The following CACUL1 variants were observed in gnomAD, a reference collection of about 807,000 sequenced individuals.
CACUL1 encodes CDK2-associated and cullin domain-containing protein 1.
CACUL1 carries 13 observed loss-of-function variants against 45.2 expected under a neutral mutation model. That is an observed-to-expected ratio of 0.29 (90% confidence interval 0.19 to 0.46). The LOEUF (loss-of-function observed/expected upper bound fraction) is 0.46. CACUL1 is among the 20% of genes least tolerant of loss of function. The pLI is 1.00. For synonymous variants in CACUL1, 197 were observed against 174.2 expected (o/e 1.13, Z -1.03); for missense variants, 421 against 471.4 (o/e 0.89, Z 0.99).
chr10:118,740,854 A>T (rs1408336331), intron 1 of CACUL1, among the ~76,000 whole-genome samples: 1 of 151,432 alleles, frequency 6.6e-6, no homozygotes, highest in East Asian at 1.9e-4. Flanking sequence ...TGAACCCGGG[A>T]GACGGAGCTT....
At chr10:118,726,428 C>T (rs760649103) in intron 3 of CACUL1, 28 of 726,186 alleles carry the variant, frequency 3.9e-5, no homozygotes, top group Non-Finnish European at 5.2e-5. Flanking sequence ...AAGACAAACA[C>T]GATAGAGTCC....
At chr10:118,733,418 A>G (rs1017082231) in intron 1 of CACUL1, among the ~76,000 whole-genome samples, 1 of 152,334 alleles carries the variant, frequency 6.6e-6, no homozygotes. Context: ...TAGAAAGCCA[A>G]TTCAGTAACC....
At chr10:118,735,571 TCAG>T (rs2119654230) in intron 1 of CACUL1, among the ~76,000 whole-genome samples, 1 of 152,324 alleles carries the variant, frequency 6.6e-6, no homozygotes, top group East Asian at 1.9e-4. Flanking sequence ...CTCTAATGCT[TCAG>T]CAGCCCTGGA....
intron 3 of CACUL1, among the ~76,000 whole-genome samples, chr10:118,726,980 T>C (rs943387694): frequency 6.6e-5 from 10 of 152,318 alleles, no homozygotes; most frequent in African/African-American, 2.2e-4. Flanking sequence ...AAAGGAATCA[T>C]TTTGAAGCTA....
chr10:118,718,928 T>C (rs946106399), intron 3 of CACUL1, among the ~76,000 whole-genome samples: 5 of 152,208 alleles, frequency 3.3e-5, no homozygotes, highest in Non-Finnish European at 7.3e-5. Flanking sequence ...CTGTTCTTTT[T>C]ATATACAATG....
intron 1 of CACUL1, among the ~76,000 whole-genome samples, chr10:118,734,347 A>C (rs1589616539): frequency 6.6e-6 from 1 of 152,348 alleles, no homozygotes; most frequent in Non-Finnish European, 1.5e-5. Flanking sequence ...ACAGACTTCC[A>C]ATGAGGTAAA....
intron 1 of CACUL1, among the ~76,000 whole-genome samples, chr10:118,749,069 C>T (rs1295309526): frequency 6.6e-6 from 1 of 152,034 alleles, no homozygotes; most frequent in Non-Finnish European, 1.5e-5. Flanking sequence ...ACTCTTACTC[C>T]CTGAACTGTG....
intron 2 of CACUL1, among the ~76,000 whole-genome samples, chr10:118,730,024 T>C (rs1285030993): frequency 6.6e-6 from 1 of 152,228 alleles, no homozygotes; most frequent in Non-Finnish European, 1.5e-5. Flanking sequence ...ACTTCAGTCA[T>C]TCTTGCTTTT....
chr10:118,709,270 G>A (rs1321048446), intron 3 of CACUL1, among the ~76,000 whole-genome samples: 1 of 152,024 alleles, frequency 6.6e-6, no homozygotes, highest in Non-Finnish European at 1.5e-5. Context: ...GTGGATAAGT[G>A]GACCTACACA....
intron 6 of CACUL1, among the ~76,000 whole-genome samples, chr10:118,691,736 G>A (rs889743911): frequency 4.6e-5 from 7 of 151,728 alleles, no homozygotes; most frequent in South Asian, 2.1e-4. Flanking sequence ...ACACGGTGGC[G>A]GGCACCTGTA....
intron 3 of CACUL1, among the ~76,000 whole-genome samples, chr10:118,723,615 A>G (rs952040380): frequency 9.2e-5 from 14 of 152,284 alleles, no homozygotes; most frequent in African/African-American, 3.1e-4. Flanking sequence ...GCCTGGTTTG[A>G]TGCCTCATTT....
chr10:118,740,066 G>C (rs1845778401), intron 1 of CACUL1, among the ~76,000 whole-genome samples: 1 of 152,186 alleles, frequency 6.6e-6, no homozygotes, highest in Admixed American at 6.5e-5. Flanking sequence ...AGGATCGCTT[G>C]AACTTGGGAG....
chr10:118,696,936 T>TAC (rs1172192654), intron 5 of CACUL1, among the ~76,000 whole-genome samples: 1 of 152,236 alleles, frequency 6.6e-6, no homozygotes, highest in African/African-American at 2.4e-5. Context: ...GTCAAGTATA[T>TAC]ACATTTGCAA....
rs908164847 is a variant in CACUL1, at chr10:118,678,630, A to G, written c.*7498T>C. The G allele has an allele frequency of 4.2e-5, 6 of 144,116 alleles. No individual in the cohort carries two copies. Among genetic ancestry groups the G allele is most frequent in the African/African-American group, 1.6e-4 (6 of 37,648 alleles). 8.9% of individuals were successfully genotyped at this position (144,116 alleles called of 1,614,324 possible). A position where few individuals can be genotyped will look rare whatever the true frequency, so the allele number is the denominator to read the frequency against. On this transcript the variant is annotated 3_prime_UTR_variant, in exon 9 of 9. Transcript: ENST00000369151. ...TTTAGGTCCATTAAGTTTTTTTTTTATCATTTTCTCATTTTAAAATTTATT... is the reference window on the plus strand; with the variant it reads ...TTTAGGTCCATTAAGTTTTTTTTTTGTCATTTTCTCATTTTAAAATTTATT...
intron 3 of CACUL1, among the ~76,000 whole-genome samples, chr10:118,728,965 G>A (rs1845675503): frequency 6.6e-6 from 1 of 152,076 alleles, no homozygotes; most frequent in Non-Finnish European, 1.5e-5. Context: ...GTTAAAATAT[G>A]CACATATTTT....
intron 3 of CACUL1, among the ~76,000 whole-genome samples, chr10:118,717,257 A>G (rs755841715): frequency 6.6e-6 from 1 of 152,262 alleles, no homozygotes; most frequent in Non-Finnish European, 1.5e-5. Context: ...TCACCCATGT[A>G]ACACAGGCAT....
At chr10:118,711,203 C>T (rs1845481681) in intron 3 of CACUL1, among the ~76,000 whole-genome samples, 1 of 152,208 alleles carries the variant, frequency 6.6e-6, no homozygotes, top group Admixed American at 6.5e-5. Flanking sequence ...TCTCAGCCTC[C>T]TGAGTAGCTG....
chr10:118,725,154 T>C (rs761801350), intron 3 of CACUL1, among the ~76,000 whole-genome samples: 2 of 152,102 alleles, frequency 1.3e-5, no homozygotes, highest in Non-Finnish European at 2.9e-5. Flanking sequence ...TAAAAATAAA[T>C]AGAACTTCGT....
chr10:118,753,755 G>A (rs988896926), intron 1 of CACUL1, among the ~76,000 whole-genome samples: 2 of 152,222 alleles, frequency 1.3e-5, no homozygotes, highest in African/African-American at 4.8e-5. Flanking sequence ...ATTCTTATGA[G>A]TGTAAGCTCT....
Sources: gnomAD v4.1 joint callset for allele counts (sites outside exome capture counted in the v4.1 genomes callset) on GRCh38, gnomAD v4.1.1 for gene constraint, MANE v1.5 for transcripts, NCBI Gene and HGNC (gene_info 2026-07-23, HGNC 2026-07-21) for gene names.